Variants in NUP188 observed in about 807,000 individuals in gnomAD.
NUP188 encodes the protein nucleoporin 188, also known as nucleoporin NUP188.
A neutral mutation model predicts 223.0 loss-of-function variants in NUP188; 97 were observed. The ratio of observed to expected loss-of-function variants is 0.43; its 90% CI spans 0.37 to 0.51. The LOEUF (loss-of-function observed/expected upper bound fraction) is 0.51, where lower values mean the gene tolerates loss of function less well. NUP188 is among the 20% of genes least tolerant of loss of function. The pLI, the probability that NUP188 is intolerant of heterozygous loss-of-function variation, is 0.00. For synonymous variants in NUP188, 869 were observed against 828.0 expected (o/e 1.05, Z -0.85); for missense variants, 1,947 against 2,175.6 (o/e 0.89, Z 2.09).
intron 2 of NUP188, among the ~76,000 whole-genome samples, chr9:128,952,070 G>A (rs1841796637): frequency 6.6e-6 from 1 of 152,178 alleles, no homozygotes; most frequent in Non-Finnish European, 1.5e-5. Flanking sequence ...TAGGATTACA[G>A]GCCTGAGCCA....
chr9:128,973,468 C>T (rs1842130337), intron 12 of NUP188, among the ~76,000 whole-genome samples: 1 of 152,068 alleles, frequency 6.6e-6, no homozygotes, highest in African/African-American at 2.4e-5. Context: ...CTGCAGCGTC[C>T]GCCTCCTGGG....
chr9:128,974,615 A>G (rs555923820), intron 12 of NUP188, among the ~76,000 whole-genome samples: 4 of 152,138 alleles, frequency 2.6e-5, no homozygotes, highest in South Asian at 2.1e-4. Flanking sequence ...ACCAGCTTCT[A>G]CCAGTTATCA....
At position 128,983,293 on chromosome 9, in the gene NUP188, G is replaced by A. The variant is rs1421945774; in HGVS notation, c.1797G>A (p.Arg599=). ...GTATAGTGTATTGTTCTCCAACCAG[G>A]TTAACGACAGTGATCTCCCCACCTG... ...ITSRIYMLLQ[R]LTTVISPPVD... The change falls in exon 18 of 44, where the codon CGG becomes CGA. Residue 599 remains arginine, a splice_region_variant and synonymous_variant. Transcript: ENST00000372577. The A allele has an allele frequency of 6.2e-7, 1 of 1,613,724 alleles. No homozygotes were observed. Among genetic ancestry groups the A allele is most frequent in the Non-Finnish European group, 8.5e-7 (1 of 1,179,732 alleles).
chr9:128,956,788 CTCTTG>C (rs1296868118), intron 4 of NUP188, among the ~76,000 whole-genome samples, 159 bp from the exon 5 acceptor site: 6 of 152,278 alleles, frequency 3.9e-5, no homozygotes, highest in South Asian at 4.2e-4. Context: ...CAGTGACTGG[CTCTTG>C]TCTTCTATTA....
At chr9:128,955,226 T>C (rs1176084235) in intron 3 of NUP188, among the ~76,000 whole-genome samples, 4 of 152,236 alleles carry the variant, frequency 2.6e-5, no homozygotes, top group Admixed American at 2.0e-4. Flanking sequence ...TTAATCTTGG[T>C]CACTCAGTTA....
intron 8 of NUP188, among the ~76,000 whole-genome samples, chr9:128,962,400 C>T (rs1485493200): frequency 6.6e-6 from 1 of 152,076 alleles, no homozygotes; most frequent in African/African-American, 2.4e-5. Context: ...AGGCGCCCAC[C>T]ACCACGCCCA....
intron 34 of NUP188, among the ~76,000 whole-genome samples, chr9:129,001,283 A>G (rs1342405050): frequency 6.6e-6 from 1 of 151,894 alleles, no homozygotes; most frequent in African/African-American, 2.4e-5. Flanking sequence ...GTGGGAGGGA[A>G]GAGGCGGGGG....
chr9:128,994,459 G>A lies in NUP188; in HGVS notation c.3087+17G>A, dbSNP rs928241018. ...ACATCAGAGGTAAGCTGTGGCAGAG[G>A]GCAGGATGGTGGCTACAAGTCCCTT... is the stretch of plus-strand genomic sequence containing the variant. On this transcript the variant is annotated intron_variant, in intron 28 of 43. Transcript: ENST00000372577. 2 of 1,593,510 alleles carry A rather than the reference G, an allele frequency of 1.3e-6. No homozygotes were observed. Among genetic ancestry groups the A allele is most frequent in the African/African-American group, 2.7e-5 (2 of 74,472 alleles).
chr9:128,979,149 C>A, intron 12 of NUP188, 113 bp from the exon 13 acceptor site: 1 of 686,140 alleles, frequency 1.5e-6, no homozygotes, highest in Non-Finnish European at 2.5e-6. Context: ...AGTGGTCTTC[C>A]CACTTTAGTG....
At chr9:128,988,297 T>C in intron 24 of NUP188, 111 bp downstream of exon 24, 1 of 1,245,542 alleles carries the variant, frequency 8.0e-7, no homozygotes. Context: ...TATTTTCTGC[T>C]TCTTGAGGAA....
At chr9:128,978,606 C>T (rs1588279948) in intron 12 of NUP188, among the ~76,000 whole-genome samples, 1 of 150,990 alleles carries the variant, frequency 6.6e-6, no homozygotes, top group East Asian at 1.9e-4. Context: ...CAAACCCACT[C>T]ACCCAGAATT....
At chr9:128,964,706 ATT>A (rs112671736) in intron 8 of NUP188, among the ~76,000 whole-genome samples, 37,917 of 129,050 alleles carry the variant, frequency 0.29, 5,804 homozygotes, top group Middle Eastern at 0.38. Flanking sequence ...TTTAATTTTA[ATT>A]TTTTTTTTTT....
intron 38 of NUP188, chr9:129,004,721 G>A (rs1483622725): frequency 2.8e-5 from 5 of 177,196 alleles, no homozygotes; most frequent in South Asian, 1.3e-4. Context: ...AGCCAGGATG[G>A]TCTCGATCTG....
chr9:128,982,808 G>T (rs763810616), intron 16 of NUP188, 94 bp from the exon 17 acceptor site: 1 of 1,587,336 alleles, frequency 6.3e-7, no homozygotes, highest in Non-Finnish European at 8.6e-7. Flanking sequence ...TCAAGATTGT[G>T]ATTTGTCTGA....
chr9:129,001,719 G>T lies in NUP188; in HGVS notation c.4034G>T (p.Arg1345Leu). ...TTGCATCTGCTCCTCACCCTGGCTC[G>T]CACTCAGCAGGTAGGAGGCCAGCCC... Reference protein sequence around the residue: ...ATLHLLLTLARTQQGATAVAG... With the variant: ...ATLHLLLTLALTQQGATAVAG... The change falls in exon 35 of 44, where the codon CGC (arginine) becomes CTC (leucine). Residue 1345 changes from arginine (R) to leucine (L), a missense_variant. By Grantham distance (102) the Arg-to-Leu change is moderately radical. This residue lies in a region of NUP188 where 905 missense variants were observed against 990.6 expected (regional missense o/e 0.91). Transcript: ENST00000372577. The T allele has an allele frequency of 6.2e-7, 1 of 1,613,184 alleles. No homozygotes were observed. Among genetic ancestry groups the T allele is most frequent in the Non-Finnish European group, 8.5e-7 (1 of 1,179,800 alleles).
chr9:128,981,799 G>T (rs551077527), intron 15 of NUP188, among the ~76,000 whole-genome samples: 39 of 152,252 alleles, frequency 2.6e-4, no homozygotes, highest in Non-Finnish European at 4.3e-4. Flanking sequence ...TGTCGGCCAG[G>T]TGTAGTGGCT....
In NUP188 at chr9:128,982,706, G is replaced by A. The variant is rs1161374631; in HGVS notation, c.1669+5G>A. On this transcript the variant is annotated splice_donor_5th_base_variant and intron_variant, in intron 16 of 43. Coordinates refer to ENST00000372577, the MANE Select transcript of NUP188 (RefSeq NM_015354.3). ...TTCATGTTGTTTCAACTGCAGGTAA[G>A]GTCAGCTTTCGGAAACATCACCTAC... is the stretch of plus-strand genomic sequence containing the variant. The A allele has an allele frequency of 1.2e-6, 2 of 1,613,212 alleles. No homozygotes were observed. The highest frequency in any genetic ancestry group is 1.3e-5 in the African/African-American group (1 of 74,994).
chr9:128,957,060 T>C (rs1482007403), intron 5 of NUP188, 28 bp downstream of exon 5: 1 of 1,469,752 alleles, frequency 6.8e-7, no homozygotes, highest in Non-Finnish European at 9.4e-7. Flanking sequence ...GCTCCTTTCT[T>C]CTGCCTTTAT....
Position 129,005,446 on chromosome 9 carries a change from G to A in NUP188, c.4653G>A (p.Gln1551=), listed in dbSNP as rs1776120376. 1.1e-5 allele frequency: 18 copies of A among 1,607,826 alleles called. No homozygotes were observed. Among genetic ancestry groups the A allele is most frequent in the Non-Finnish European group, 1.5e-5 (18 of 1,180,004 alleles). The part of the protein sequence containing the change: ...ASEQQALHTV[Q]YGLLKILSKT... ...AGCAGCAGGCCTTGCACACAGTCCA[G>A]TATGGCCTTCTCAAGATCCTCAGCA... The change falls in exon 40 of 44, where the codon CAG becomes CAA. Residue 1551 remains glutamine, a synonymous_variant. Coordinates refer to ENST00000372577, the MANE Select transcript of NUP188 (RefSeq NM_015354.3).
Sources: allele counts gnomAD v4.1 joint callset (sites outside exome capture counted in the v4.1 genomes callset), GRCh38; gene constraint gnomAD v4.1.1; regional missense constraint gnomAD v4.1.1; transcripts MANE v1.5; gene names NCBI Gene and HGNC (gene_info 2026-07-23, HGNC 2026-07-21).